Variants in TANGO6 observed in about 807,000 individuals in gnomAD.
The protein encoded by TANGO6 is transport and Golgi organization protein 6 homolog.
A neutral mutation model predicts 114.2 loss-of-function variants in TANGO6; 90 were observed. That is an observed-to-expected ratio of 0.79 (90% CI 0.66 to 0.94). The LOEUF (loss-of-function observed/expected upper bound fraction) is 0.94, where lower values mean the gene tolerates loss of function less well. Ranked by LOEUF, TANGO6 falls within the 40% of genes least tolerant of loss-of-function variation. The pLI, the probability that TANGO6 is intolerant of heterozygous loss-of-function variation, is 0.00. For missense variants in TANGO6, 1,274 were observed against 1,315.3 expected, an observed-to-expected ratio of 0.97 and a Z score of 0.49; for synonymous variants, 477 against 509.8, an observed-to-expected ratio of 0.94 and a Z score of 0.87.
In TANGO6 at chr16:68,880,616, G is replaced by A. The variant is rs754833514; in HGVS notation, c.1363G>A (p.Glu455Lys). 10 of 1,611,818 alleles carry A rather than the reference G, an allele frequency of 6.2e-6. 1 individual carries two copies. Among genetic ancestry groups the A allele is most frequent in the Admixed American group, 1.7e-5 (1 of 59,802 alleles). Residue 455 changes from glutamate (E) to lysine (K), a missense_variant, in exon 7 of 18, where the codon GAG becomes AAG. Glu to Lys is a moderately conservative substitution (Grantham distance 56). Transcript: ENST00000261778. ...AGAAGAAGAACTTAGTAGATGCATTGAGGATGTGTTTAAGGTTGGTAATCT... is the reference window on the plus strand; with the variant it reads ...AGAAGAAGAACTTAGTAGATGCATTAAGGATGTGTTTAAGGTTGGTAATCT... ...VTEEELSRCIEDVFKVYVVGN... is the reference protein window; with the variant it reads ...VTEEELSRCIKDVFKVYVVGN...
intron 15 of TANGO6, among the ~76,000 whole-genome samples, chr16:69,011,947 G>A (rs749304550): frequency 3.9e-5 from 6 of 152,196 alleles, no homozygotes; most frequent in Non-Finnish European, 7.3e-5. Flanking sequence ...GTCATAGGCA[G>A]GTTAAAATTT....
chr16:68,940,702 A>T (rs1178002041), intron 14 of TANGO6, among the ~76,000 whole-genome samples: 1 of 152,112 alleles, frequency 6.6e-6, no homozygotes, highest in Non-Finnish European at 1.5e-5. Flanking sequence ...CCTTTTTAGT[A>T]ATTTTATGAA....
At chr16:68,894,554 T>G (rs1962677620) in intron 7 of TANGO6, among the ~76,000 whole-genome samples, 2 of 151,952 alleles carry the variant, frequency 1.3e-5, no homozygotes, top group African/African-American at 4.8e-5. Flanking sequence ...CTTGCAGGAC[T>G]AGGGTTATTA....
chr16:68,949,049 G>A (rs771815419), intron 14 of TANGO6, among the ~76,000 whole-genome samples: 1 of 152,178 alleles, frequency 6.6e-6, no homozygotes, highest in Non-Finnish European at 1.5e-5. Flanking sequence ...AGCTGAGCGT[G>A]GTGGTGCATG....
At chr16:68,892,258 A>C (rs1962633035) in intron 7 of TANGO6, among the ~76,000 whole-genome samples, 2 of 152,198 alleles carry the variant, frequency 1.3e-5, no homozygotes, top group Non-Finnish European at 2.9e-5. Context: ...GCAGCCCTCT[A>C]AGCTTAGATG....
chr16:68,941,089 A>G (rs1963348534), intron 14 of TANGO6, among the ~76,000 whole-genome samples: 1 of 152,244 alleles, frequency 6.6e-6, no homozygotes, highest in Non-Finnish European at 1.5e-5. Context: ...TTGGTAATAT[A>G]ACTAACATTT....
intron 7 of TANGO6, among the ~76,000 whole-genome samples, chr16:68,881,782 G>T (rs1469965727): frequency 1.3e-5 from 2 of 152,110 alleles, no homozygotes; most frequent in African/African-American, 2.4e-5. Flanking sequence ...AATATATGTG[G>T]TATATGCTTT....
intron 4 of TANGO6, among the ~76,000 whole-genome samples, chr16:68,871,704 C>G (rs143713330): frequency 6.6e-6 from 1 of 152,118 alleles, no homozygotes; most frequent in African/African-American, 2.4e-5. Context: ...ACTGCAACTT[C>G]TGCCTCCCAG....
intron 1 of TANGO6, among the ~76,000 whole-genome samples, chr16:68,849,822 A>T (rs1567522855): frequency 6.6e-6 from 1 of 152,038 alleles, no homozygotes; most frequent in Non-Finnish European, 1.5e-5. Context: ...TATTTTATAA[A>T]TTTTTTCTAA....
At chr16:68,963,711 C>A (rs1262906969) in intron 14 of TANGO6, among the ~76,000 whole-genome samples, 1 of 152,222 alleles carries the variant, frequency 6.6e-6, no homozygotes, top group Non-Finnish European at 1.5e-5. Context: ...TTACTGCTGA[C>A]CATGTGGATG....
At chr16:69,029,734 T>C (rs1453223792) in intron 16 of TANGO6, among the ~76,000 whole-genome samples, 1 of 152,146 alleles carries the variant, frequency 6.6e-6, no homozygotes, top group African/African-American at 2.4e-5. Flanking sequence ...TATTTTTCTA[T>C]ATTAAGATTT....
chr16:68,854,696 G>A (rs1961958068), intron 1 of TANGO6, among the ~76,000 whole-genome samples: 1 of 146,972 alleles, frequency 6.8e-6, no homozygotes, highest in Non-Finnish European at 1.5e-5. Flanking sequence ...TTTCCCAGTT[G>A]TATTGATTTC....
chr16:69,057,115 C>T (rs983942686), intron 17 of TANGO6, among the ~76,000 whole-genome samples: 5 of 145,736 alleles, frequency 3.4e-5, no homozygotes, highest in East Asian at 2.0e-4. Flanking sequence ...CCCAGGTTCA[C>T]GTCATTCTCC....
intron 1 of TANGO6, among the ~76,000 whole-genome samples, chr16:68,848,312 C>A (rs1361270605): frequency 2.0e-5 from 3 of 151,738 alleles, no homozygotes; most frequent in Admixed American, 1.3e-4. Flanking sequence ...GTTTTTACTT[C>A]TATAAAAAAT....
chr16:68,980,423 ATATATATATATAT>A (rs1963818257), intron 15 of TANGO6, among the ~76,000 whole-genome samples: 1 of 46,986 alleles, frequency 2.1e-5, no homozygotes, highest in African/African-American at 6.0e-5. Context: ...ATATATATAT[ATATATATATATAT>A]TTTTTTTTTT....
intron 16 of TANGO6, among the ~76,000 whole-genome samples, chr16:69,031,141 C>T (rs1429998233): frequency 6.6e-6 from 1 of 151,950 alleles, no homozygotes; most frequent in Non-Finnish European, 1.5e-5. Flanking sequence ...GGGGCACCTT[C>T]CTGGCAAACC....
chr16:68,878,580 A>G (rs2152169562), intron 6 of TANGO6, among the ~76,000 whole-genome samples: 1 of 152,132 alleles, frequency 6.6e-6, no homozygotes, highest in South Asian at 2.1e-4. Flanking sequence ...AGACATCACA[A>G]CACTTCACCC....
chr16:68,866,107 G>A (rs1305967975), intron 3 of TANGO6, among the ~76,000 whole-genome samples: 4 of 151,762 alleles, frequency 2.6e-5, no homozygotes, highest in Non-Finnish European at 5.9e-5. Context: ...GAGATTGTTT[G>A]CATTAACTTT....
intron 12 of TANGO6, among the ~76,000 whole-genome samples, chr16:68,921,820 A>G (rs1463526513): frequency 6.6e-6 from 1 of 152,024 alleles, no homozygotes; most frequent in African/African-American, 2.4e-5. Flanking sequence ...TCTGTGAGCC[A>G]TCCTGACTCA....
Sources: gnomAD v4.1 joint callset for allele counts (sites outside exome capture counted in the v4.1 genomes callset) on GRCh38, gnomAD v4.1.1 for gene constraint, MANE v1.5 for transcripts, NCBI Gene and HGNC (gene_info 2026-07-23, HGNC 2026-07-21) for gene names.